LRRN2: variants seen among roughly 807,000 people sequenced by gnomAD.
LRRN2 encodes the protein leucine-rich repeat neuronal protein 2.
In LRRN2, 10 loss-of-function variants were observed where a neutral mutation model predicts 35.7. The observed-to-expected ratio is 0.28, with a 90% CI of 0.17 to 0.47. The LOEUF is 0.47. Among genes scored for constraint, LRRN2 ranks in the 20% least tolerant of loss-of-function variants. LRRN2 has a pLI of 0.99. For missense variants in LRRN2, 731 were observed against 940.3 expected (o/e 0.78, Z 2.91); for synonymous variants, 391 against 409.6 (o/e 0.95, Z 0.55).
chr1:204,619,988 C>T lies in LRRN2; in HGVS notation c.5G>A (p.Arg2Lys). ...TAGCAAGAGTGGGGCCACGAGAAGC[C>T]TCATGGTGGAGCTGCAGGGCAGGGG... M[R>K]LLVAPLLLAW... Residue 2 changes from arginine (R) to lysine (K), a missense_variant, in exon 2 of 2, where the codon AGG (arginine) becomes AAG (lysine). Arg to Lys is a conservative substitution (Grantham distance 26, BLOSUM62 2). This residue lies in a region of LRRN2 where 246 missense variants were observed against 289.5 expected (regional missense o/e 0.85). Coordinates refer to ENST00000367177, the MANE Select transcript of LRRN2 (RefSeq NM_201630.2). The T allele has an allele frequency of 3.7e-6, 6 of 1,608,162 alleles. No homozygotes were observed. The highest frequency in any genetic ancestry group is 5.1e-6 in the Non-Finnish European group (6 of 1,177,878).
chr1:204,667,889 G>A (rs1668606828), intron 1 of LRRN2, among the ~76,000 whole-genome samples: 1 of 152,176 alleles, frequency 6.6e-6, no homozygotes, highest in South Asian at 2.1e-4. Flanking sequence ...GAAGAGGCTG[G>A]CAAAGTAGGC....
chr1:204,650,514 A>G (rs1331727405), intron 1 of LRRN2, among the ~76,000 whole-genome samples: 1 of 151,962 alleles, frequency 6.6e-6, no homozygotes, highest in Non-Finnish European at 1.5e-5. Context: ...CTCAGGTGGG[A>G]AGAGGGAAGA....
intron 1 of LRRN2, among the ~76,000 whole-genome samples, chr1:204,641,491 T>C (rs777234020): frequency 1.3e-5 from 2 of 152,210 alleles, no homozygotes; most frequent in Non-Finnish European, 2.9e-5. Context: ...GATAAAAATA[T>C]CTGCCTTGAA....
chr1:204,619,750 A>G lies in LRRN2; in HGVS notation c.243T>C (p.Ile81=). The G allele has an allele frequency of 6.2e-7, 1 of 1,614,224 alleles. No individual in the cohort carries two copies. Among genetic ancestry groups the G allele is most frequent in the South Asian group, 1.1e-5 (1 of 91,086 alleles). ...TQTLLLQSNS[I]VRVDQSELGY... is the part of the protein sequence containing the mutation. The stretch of plus-strand genomic sequence containing the variant: ...CCAGCTCACTCTGGTCCACACGGAC[A>G]ATGCTGTTGCTCTGCAGGAGCAGGG... Residue 81 remains isoleucine (I), a synonymous_variant, in exon 2 of 2, where the codon ATT becomes ATC. Coordinates refer to ENST00000367177, the MANE Select transcript of LRRN2 (RefSeq NM_201630.2).
chr1:204,629,613 C>A lies in LRRN2; in HGVS notation c.-226-9395G>T, dbSNP rs190906057. ...TTGCATCTTCCTCATTTTCTCTTGCCGCCACCATGTAAGAAGTGCCTTTCA... is the reference window on the plus strand; with the variant it reads ...TTGCATCTTCCTCATTTTCTCTTGCAGCCACCATGTAAGAAGTGCCTTTCA... On this transcript the variant is annotated intron_variant, in intron 1 of 1. Transcript: ENST00000367177. The A allele has an allele frequency of 2.9e-5, 5 of 173,778 alleles. No homozygotes were observed. In the South Asian group the frequency reaches 6.4e-4, roughly 22 times the overall value. 10.8% of individuals were successfully genotyped at this position (173,778 alleles called of 1,614,324 possible). A position where few individuals can be genotyped will look rare whatever the true frequency, so the allele number is the denominator to read the frequency against.
At chr1:204,669,235 T>G (rs1164355371) in intron 1 of LRRN2, among the ~76,000 whole-genome samples, 1 of 152,212 alleles carries the variant, frequency 6.6e-6, no homozygotes, top group Non-Finnish European at 1.5e-5. Context: ...AATCTTTGGT[T>G]GGGGAAAGAC....
intron 1 of LRRN2, among the ~76,000 whole-genome samples, chr1:204,650,584 G>A (rs1252546933): frequency 6.6e-6 from 1 of 152,104 alleles, no homozygotes; most frequent in Non-Finnish European, 1.5e-5. Flanking sequence ...TCCAGGAGGG[G>A]TTGCTTTGCC....
intron 1 of LRRN2, among the ~76,000 whole-genome samples, chr1:204,634,736 T>C (rs1311223643): frequency 6.6e-6 from 1 of 152,202 alleles, no homozygotes; most frequent in Admixed American, 6.5e-5. Flanking sequence ...ACCTTGATTT[T>C]GAACCTCCAG....
intron 1 of LRRN2, among the ~76,000 whole-genome samples, chr1:204,684,824 C>T (rs943844549): frequency 1.4e-4 from 21 of 152,132 alleles, no homozygotes; most frequent in Admixed American, 1.3e-4. Context: ...CCACCTTGTC[C>T]CTCCGCACAG....
chr1:204,649,251 G>C (rs557073466), intron 1 of LRRN2, among the ~76,000 whole-genome samples: 5 of 152,218 alleles, frequency 3.3e-5, no homozygotes, highest in Non-Finnish European at 7.3e-5. Context: ...TCTCGCCTAA[G>C]AGCAACCTGC....
chr1:204,671,390 T>C (rs1668705462), intron 1 of LRRN2, among the ~76,000 whole-genome samples: 1 of 62,270 alleles, frequency 1.6e-5, no homozygotes, highest in Non-Finnish European at 3.5e-5. Flanking sequence ...GAAGTAGCAA[T>C]CTGTTTGTGT....
intron 1 of LRRN2, among the ~76,000 whole-genome samples, chr1:204,665,946 C>A (rs537323434): frequency 2.6e-5 from 4 of 152,218 alleles, no homozygotes; most frequent in Non-Finnish European, 5.9e-5. Context: ...CGGAACCCAA[C>A]CAATTGTTTC....
At chr1:204,659,922 C>T (rs1304650116) in intron 1 of LRRN2, among the ~76,000 whole-genome samples, 4 of 152,222 alleles carry the variant, frequency 2.6e-5, no homozygotes, top group African/African-American at 7.2e-5. Context: ...ACTCCTGGCT[C>T]ATTGACCCCT....
intron 1 of LRRN2, among the ~76,000 whole-genome samples, chr1:204,642,563 A>C (rs937934743): frequency 6.6e-6 from 1 of 152,046 alleles, no homozygotes; most frequent in Non-Finnish European, 1.5e-5. Context: ...CCAAACTTTC[A>C]AACAGTCCCC....
In LRRN2 at chr1:204,676,560, T is replaced by G. The variant is rs1226198787; in HGVS notation, c.-227+8760A>C. On this transcript the variant is annotated intron_variant, in intron 1 of 1. Coordinates refer to ENST00000367177, the MANE Select transcript of LRRN2 (RefSeq NM_201630.2). ...CTGCTTGGGACCCAGTGGGGCTCAA[T>G]AACTTCTATGAGCAAGGTGCCCTGG... Among the ~76,000 whole-genome samples, 2 of 152,254 alleles carry G rather than the reference T, an allele frequency of 1.3e-5. 1 individual carries two copies. The highest frequency in any genetic ancestry group is 4.1e-4 in the South Asian group (2 of 4,822).
At chr1:204,632,614 G>C (rs553044286) in intron 1 of LRRN2, among the ~76,000 whole-genome samples, 3 of 125,844 alleles carry the variant, frequency 2.4e-5, no homozygotes, top group Admixed American at 9.2e-5. Flanking sequence ...GGGTGACAGA[G>C]TGAGACTCTG....
At chr1:204,638,311 C>G (rs916986721) in intron 1 of LRRN2, among the ~76,000 whole-genome samples, 1 of 151,740 alleles carries the variant, frequency 6.6e-6, no homozygotes, top group South Asian at 2.1e-4. Context: ...TGAATCCCCC[C>G]GCACCGTTGG....
At chr1:204,632,725 A>C (rs1427775527) in intron 1 of LRRN2, among the ~76,000 whole-genome samples, 1 of 151,502 alleles carries the variant, frequency 6.6e-6, no homozygotes, top group Non-Finnish European at 1.5e-5. Context: ...AGGTCAGGAG[A>C]TGGAGACCAT....
At chr1:204,665,926 T>C (rs765578544) in intron 1 of LRRN2, among the ~76,000 whole-genome samples, 36 of 152,222 alleles carry the variant, frequency 2.4e-4, no homozygotes, top group Non-Finnish European at 3.5e-4. Flanking sequence ...CAGCTTAGCA[T>C]GGACACTTTC....
Sources: allele counts gnomAD v4.1 joint callset (sites outside exome capture counted in the v4.1 genomes callset), GRCh38; gene constraint gnomAD v4.1.1; regional missense constraint gnomAD v4.1.1; transcripts MANE v1.5; gene names NCBI Gene and HGNC (gene_info 2026-07-23, HGNC 2026-07-21).